VRTN: variants seen among roughly 807,000 people sequenced by gnomAD.
VRTN encodes vertebrae development associated.
A neutral mutation model predicts 18.2 loss-of-function variants in VRTN; 5 were observed. The ratio of observed to expected loss-of-function variants is 0.27; its 90% CI spans 0.14 to 0.58. The LOEUF (loss-of-function observed/expected upper bound fraction) is 0.58. Ranked by LOEUF, VRTN falls within the 20% of genes least tolerant of loss-of-function variation. VRTN has a pLI of 0.91. For missense variants in VRTN, 741 were observed against 939.4 expected, an observed-to-expected ratio of 0.79 and a Z score of 2.76; for synonymous variants, 381 against 393.7, an observed-to-expected ratio of 0.97 and a Z score of 0.38.
chr14:74,330,730 C>T (rs1330402949), intron 1 of VRTN, among the ~76,000 whole-genome samples: 2 of 151,768 alleles, frequency 1.3e-5, no homozygotes, highest in East Asian at 2.0e-4. Flanking sequence ...CGTGAGCCAC[C>T]GCGCCCAACA....
chr14:74,325,454 C>CAAACA (rs2085482284), intron 1 of VRTN, among the ~76,000 whole-genome samples: 1 of 151,082 alleles, frequency 6.6e-6, no homozygotes, highest in Non-Finnish European at 1.5e-5. Flanking sequence ...AACAAACAAA[C>CAAACA]AAAAAAACTA....
chr14:74,335,400 C>T (rs150065616), intron 1 of VRTN, among the ~76,000 whole-genome samples: 534 of 152,280 alleles, frequency 3.5e-3, no homozygotes, highest in African/African-American at 0.012. Context: ...GAGGTGTCAA[C>T]GTAATGTGGT....
chr14:74,313,623 TC>T (rs915166618), intron 1 of VRTN, among the ~76,000 whole-genome samples: 1 of 152,150 alleles, frequency 6.6e-6, no homozygotes, highest in African/African-American at 2.4e-5. Context: ...TCTGAAACCA[TC>T]TTGGCCTCTT....
At chr14:74,332,335 G>GTTTTTTTTTTTTTTTTT (rs67857502) in intron 1 of VRTN, among the ~76,000 whole-genome samples, 1 of 39,540 alleles carries the variant, frequency 2.5e-5, no homozygotes, top group Non-Finnish European at 5.0e-5. Context: ...CTCCTAATCT[G>GTTTTTTTTTTTTTTTTT]TTTTTTTTTT....
intron 1 of VRTN, among the ~76,000 whole-genome samples, chr14:74,320,139 C>G (rs1290888581): frequency 6.6e-6 from 1 of 151,958 alleles, no homozygotes; most frequent in Non-Finnish European, 1.5e-5. Flanking sequence ...GCTGCTCCCA[C>G]TACAGGAAGC....
chr14:74,316,232 A>G (rs150148252), intron 1 of VRTN, among the ~76,000 whole-genome samples: 106 of 152,180 alleles, frequency 7.0e-4, no homozygotes, highest in African/African-American at 2.5e-3. Context: ...AAGAACCTAA[A>G]TGAGGCTGGG....
rs1325177788 is a variant in VRTN, at chr14:74,357,259, C to T, written c.476C>T (p.Ala159Val). 1 of 1,613,610 alleles carries T rather than the reference C, an allele frequency of 6.2e-7. No homozygotes were observed. Among genetic ancestry groups the T allele is most frequent in the Non-Finnish European group, 8.5e-7 (1 of 1,179,822 alleles). The part of the protein sequence containing the change: ...PPATLEAIFD[A>V]DVKASCFPSS... Reference sequence around the variant, plus strand: ...GCCACGCTGGAGGCCATCTTCGATGCCGACGTCAAGGCCTCCTGTTTCCCC... The same window carrying T: ...GCCACGCTGGAGGCCATCTTCGATGTCGACGTCAAGGCCTCCTGTTTCCCC... Residue 159 changes from alanine to valine, a missense_variant, in exon 2 of 2, where the codon GCC (alanine) becomes GTC (valine). Transcript: ENST00000256362. This position sits in a 1 kb window ranked among gnomAD's most constrained non-coding sequence, Gnocchi z 7.8.
At chr14:74,347,288 C>T (rs2085649569), upstream of VRTN, among the ~76,000 whole-genome samples, 1 of 152,240 alleles carries the variant, frequency 6.6e-6, no homozygotes. Flanking sequence ...AAGTCCAAGA[C>T]ACCCGCTAAG....
rs1024547049 is a variant in VRTN at position 74,359,508 on chromosome 14, C to T, written c.*616C>T. 6.0e-6 allele frequency: 1 copy of T among 166,650 alleles called. No individual in the cohort carries two copies. Among genetic ancestry groups the T allele is most frequent in the Non-Finnish European group, 1.5e-5 (1 of 68,108 alleles). 10.3% of individuals were successfully genotyped at this position (166,650 alleles called of 1,614,324 possible). On this transcript the variant is annotated 3_prime_UTR_variant, in exon 2 of 2. Coordinates refer to ENST00000256362, the MANE Select transcript of VRTN (RefSeq NM_018228.3). The stretch of plus-strand genomic sequence containing the variant: ...GACCACCCTGGGCAATGTAGTGAGA[C>T]CTCATCTCTTAGAAAAAAAAAAAGA...
chr14:74,358,997 C>T lies in VRTN; in HGVS notation c.*105C>T. On this transcript the variant is annotated 3_prime_UTR_variant, in exon 2 of 2. Transcript: ENST00000256362. This position sits in a 1 kb window ranked among gnomAD's most constrained non-coding sequence, Gnocchi z 5.4. ...CCAGGATGTCCTTTGCTCTGGGTCC[C>T]ACAGTGTCTACCCTAAGTCCAAGGG... 1 of 1,467,052 alleles carries T rather than the reference C, an allele frequency of 6.8e-7. No individual in the cohort carries two copies. The highest frequency in any genetic ancestry group is 1.5e-5 in the South Asian group (1 of 68,896). The allele number at this position is 1,467,052 out of a possible 1,614,324, so 90.9% of individuals were successfully genotyped here. A position where few individuals can be genotyped will look rare whatever the true frequency, so the allele number is the denominator to read the frequency against.
intron 1 of VRTN, among the ~76,000 whole-genome samples, chr14:74,307,177 C>T (rs1026352007): frequency 4.7e-5 from 5 of 106,778 alleles, no homozygotes; most frequent in Non-Finnish European, 7.0e-5. Context: ...GAGTTTCACT[C>T]TTGTTGCCCA....
At position 74,357,443 on chromosome 14, in the gene VRTN, C is replaced by A. The variant is rs746222846; in HGVS notation, c.660C>A (p.Ile220=). 1.9e-6 allele frequency: 3 copies of A among 1,612,238 alleles called. No homozygotes were observed. The highest frequency in any genetic ancestry group is 2.5e-6 in the Non-Finnish European group (3 of 1,180,026). Residue 220 remains isoleucine, a synonymous_variant, in exon 2 of 2, where the codon ATC becomes ATA. Transcript: ENST00000256362. This position sits in a 1 kb window ranked among gnomAD's most constrained non-coding sequence, Gnocchi z 7.8. The part of the protein sequence containing the change: ...RCDHVPSTLH[I]MWAGQPLTSH... ...ACCACGTGCCCTCCACGCTGCACAT[C>A]ATGTGGGCTGGCCAGCCCCTCACCA...
intron 1 of VRTN, among the ~76,000 whole-genome samples, chr14:74,354,864 G>A (rs2085713455): frequency 6.6e-6 from 1 of 151,982 alleles, no homozygotes; most frequent in African/African-American, 2.4e-5. Flanking sequence ...TGTTAGGGCT[G>A]GGCGTGACGG....
rs983380407 is a variant in VRTN at position 74,321,665 on chromosome 14, C to T, written c.-163-16058C>T. Among the ~76,000 whole-genome samples, 3 of 151,678 alleles carry T rather than the reference C, an allele frequency of 2.0e-5. 1 individual carries two copies. Among genetic ancestry groups the T allele is most frequent in the South Asian group, 4.2e-4 (2 of 4,802 alleles). On this transcript the variant is annotated intron_variant, in intron 1 of 2. Transcript: ENST00000557177. ...GATTACAGGCATGCGCCACCATGCC[C>T]GCTAATTTTTGTATTTTTAGTAGAG... is the stretch of plus-strand genomic sequence containing the variant.
intron 1 of VRTN, among the ~76,000 whole-genome samples, chr14:74,351,278 A>G (rs939277181): frequency 1.3e-5 from 2 of 152,178 alleles, no homozygotes; most frequent in Admixed American, 6.6e-5. Context: ...ACTGATATGG[A>G]TTATCTCCTG....
chr14:74,348,266 C>T (rs1474831006), upstream of VRTN: 1 of 152,216 alleles, frequency 6.6e-6, no homozygotes, highest in Non-Finnish European at 1.5e-5. Flanking sequence ...TTTCTTTCAA[C>T]TTTTCTCTGG....
intron 1 of VRTN, among the ~76,000 whole-genome samples, chr14:74,312,605 C>CAAAAAA (rs1384693175): frequency 1.3e-5 from 2 of 152,016 alleles, no homozygotes; most frequent in African/African-American, 2.4e-5. Context: ...CACATGCCAC[C>CAAAAAA]ACACCCAGCT....
At chr14:74,324,716 C>T (rs549942502) in intron 1 of VRTN, among the ~76,000 whole-genome samples, 2 of 151,120 alleles carry the variant, frequency 1.3e-5, no homozygotes, top group East Asian at 2.0e-4. Context: ...GCCGAGACCC[C>T]GTCTCTACCA....
At chr14:74,336,373 C>G (rs1051836984) in intron 1 of VRTN, among the ~76,000 whole-genome samples, 1 of 152,070 alleles carries the variant, frequency 6.6e-6, no homozygotes, top group Non-Finnish European at 1.5e-5. Flanking sequence ...CACCATTGCA[C>G]TCCAGCCTAG....
Sources: allele counts gnomAD v4.1 joint callset (sites outside exome capture counted in the v4.1 genomes callset), GRCh38; gene constraint gnomAD v4.1.1; non-coding constraint Gnocchi (gnomAD v3.1); transcripts MANE v1.5; gene names NCBI Gene and HGNC (gene_info 2026-07-23, HGNC 2026-07-21).